CCAR1: variants seen among roughly 807,000 people sequenced by gnomAD.
CCAR1 encodes cell division cycle and apoptosis regulator 1.
CCAR1 carries 78 observed loss-of-function variants against 163.8 expected under a neutral mutation model. The ratio of observed to expected loss-of-function variants is 0.48; its 90% confidence interval spans 0.40 to 0.57. The LOEUF is 0.57. CCAR1 is among the 20% of genes least tolerant of loss of function. The probability of loss-of-function intolerance (pLI) is 0.00; values close to 1 mark genes in which losing one functional copy is unlikely to be tolerated. For missense variants in CCAR1, 1,019 were observed against 1,365.2 expected (o/e 0.75, Z 4.00); for synonymous variants, 443 against 460.7 (o/e 0.96, Z 0.49).
chr10:68,790,450 A>C (rs1404511205), intron 24 of CCAR1, among the ~76,000 whole-genome samples: 2 of 152,166 alleles, frequency 1.3e-5, no homozygotes, highest in Non-Finnish European at 2.9e-5. Context: ...TCTTGAAGCA[A>C]ATTTCATTTT....
intron 2 of CCAR1, among the ~76,000 whole-genome samples, chr10:68,725,314 A>C (rs949018846): frequency 6.6e-6 from 1 of 152,124 alleles, no homozygotes; most frequent in African/African-American, 2.4e-5. Flanking sequence ...AAATACAAAA[A>C]TTAGACGGGC....
At chr10:68,784,699 C>CTACT (rs1358969694) in intron 19 of CCAR1, among the ~76,000 whole-genome samples, 1 of 152,062 alleles carries the variant, frequency 6.6e-6, no homozygotes, top group African/African-American at 2.4e-5. Context: ...CAGGCATGCG[C>CTACT]TACTTAGTCT....
chr10:68,752,212 C>T (rs1404238077), intron 10 of CCAR1, among the ~76,000 whole-genome samples: 2 of 152,010 alleles, frequency 1.3e-5, no homozygotes, highest in African/African-American at 4.8e-5. Context: ...GCCACCGCAC[C>T]CGGCCTCACA....
chr10:68,791,440 A>C lies in CCAR1; in HGVS notation c.*174A>C. 2.2e-6 allele frequency: 1 copy of C among 451,062 alleles called. No homozygotes were observed. The highest frequency in any genetic ancestry group is 4.0e-6 in the Non-Finnish European group (1 of 249,462). The allele number at this position is 451,062 out of a possible 1,614,324, so 27.9% of individuals were successfully genotyped here. A position where few individuals can be genotyped will look rare whatever the true frequency, so the allele number is the denominator to read the frequency against. On this transcript the variant is annotated 3_prime_UTR_variant, in exon 25 of 25. Transcript: ENST00000265872. ...TTTCTGCTTTTGAAAATTGCTTGTA[A>C]TTCCTAGCCTTCAAATTATTAAACA...
At chr10:68,736,377 A>G (rs2056110511) in intron 2 of CCAR1, among the ~76,000 whole-genome samples, 1 of 152,062 alleles carries the variant, frequency 6.6e-6, no homozygotes, top group African/African-American at 2.4e-5. Context: ...CTCTCTTCTC[A>G]ATGTTTACAT....
intron 19 of CCAR1, among the ~76,000 whole-genome samples, chr10:68,783,116 C>A (rs1334639764): frequency 6.6e-6 from 1 of 150,964 alleles, no homozygotes; most frequent in Admixed American, 6.6e-5. Flanking sequence ...TTATCTCCCA[C>A]CTCATCCTCC....
chr10:68,726,455 A>G (rs2055948543), intron 2 of CCAR1, among the ~76,000 whole-genome samples: 1 of 151,976 alleles, frequency 6.6e-6, no homozygotes, highest in South Asian at 2.1e-4. Context: ...CTGGCTCTTG[A>G]CATGCTTAAA....
At chr10:68,786,978 G>C in intron 21 of CCAR1, 1 of 230,998 alleles carries the variant, frequency 4.3e-6, no homozygotes. Flanking sequence ...CCAGCTACTC[G>C]GGAAGCTGAG....
At chr10:68,765,824 TC>T (rs1171306658) in intron 16 of CCAR1, 63 bp from the exon 17 acceptor site, 4 of 1,076,680 alleles carry the variant, frequency 3.7e-6, no homozygotes, top group Non-Finnish European at 5.4e-6. Flanking sequence ...TATATATTCA[TC>T]TTGCACATGT....
rs36140870 is a variant in CCAR1 at position 68,752,883 on chromosome 10, AATAGATAGATAGATAGATAGATAGATAG to A, written c.1119-938_1119-911del. Among the ~76,000 whole-genome samples the A allele has an allele frequency of 3.9e-4, 56 of 142,408 alleles. 1 individual carries two copies. The highest frequency in any genetic ancestry group is 7.1e-3 in the Middle Eastern group (2 of 280). The allele number at this position is 142,408 out of a possible 152,430, so 93.4% of individuals were successfully genotyped here. On this transcript the variant is annotated intron_variant, in intron 10 of 24. Transcript: ENST00000265872. Reference sequence around the variant, plus strand: ...AAGATTCTGCCTGTAGATAGGATAGAATAGATAGATAGATAGATAGATAGATAGATAGATAGATAGATAGATAGATAGA... The same window carrying A: ...AAGATTCTGCCTGTAGATAGGATAGAATAGATAGATAGATAGATAGATAGA...
intron 8 of CCAR1, among the ~76,000 whole-genome samples, chr10:68,748,407 AAG>A (rs2056286336): frequency 1.3e-5 from 2 of 152,108 alleles, no homozygotes; most frequent in African/African-American, 4.8e-5. Flanking sequence ...TCTCAAAAAA[AAG>A]AGAAAAAGAT....
chr10:68,750,584 T>C (rs2056319082), intron 10 of CCAR1, among the ~76,000 whole-genome samples: 1 of 152,094 alleles, frequency 6.6e-6, no homozygotes, highest in Admixed American at 6.6e-5. Context: ...ACTAGCAAAA[T>C]TATTGTGAGG....
intron 16 of CCAR1, 77 bp from the exon 17 acceptor site, chr10:68,765,811 C>A: frequency 1.1e-6 from 1 of 912,066 alleles, no homozygotes; most frequent in Non-Finnish European, 1.7e-6. Context: ...GATATATATT[C>A]AATATATATT....
chr10:68,738,164 C>T (rs1244175288), intron 4 of CCAR1, among the ~76,000 whole-genome samples: 2 of 152,200 alleles, frequency 1.3e-5, no homozygotes, highest in Admixed American at 6.5e-5. Context: ...CCTGTAATCC[C>T]AGCATACTGG....
At chr10:68,772,891 G>T (rs1005181588) in intron 18 of CCAR1, 97 bp from the exon 19 acceptor site, 1 of 550,034 alleles carries the variant, frequency 1.8e-6, no homozygotes, top group Non-Finnish European at 3.1e-6. Context: ...CCAGTGGATC[G>T]CTTGAGCCCA....
intron 19 of CCAR1, among the ~76,000 whole-genome samples, chr10:68,778,533 T>A (rs76736809): frequency 3.8e-3 from 14 of 3,712 alleles, no homozygotes; most frequent in African/African-American, 9.0e-3. Context: ...ATCCTCTCCT[T>A]TTTTTTTTTC....
At chr10:68,773,217 A>G (rs2056624670) in intron 19 of CCAR1, 118 bp downstream of exon 19, 1 of 551,486 alleles carries the variant, frequency 1.8e-6, no homozygotes, top group South Asian at 2.3e-5. Context: ...AGAAAGAGTA[A>G]TATACTCTTC....
At chr10:68,774,496 G>C (rs202105690) in intron 19 of CCAR1, among the ~76,000 whole-genome samples, 16 of 151,616 alleles carry the variant, frequency 1.1e-4, no homozygotes, top group African/African-American at 3.6e-4. Flanking sequence ...AAAATTAGCC[G>C]GGCACGCGCC....
chr10:68,731,337 A>G (rs2056034895), intron 2 of CCAR1, among the ~76,000 whole-genome samples: 2 of 152,214 alleles, frequency 1.3e-5, no homozygotes. Context: ...AGCTTCTCAA[A>G]TGTCCACAAA....
Sources: allele counts gnomAD v4.1 joint callset (sites outside exome capture counted in the v4.1 genomes callset), GRCh38; gene constraint gnomAD v4.1.1; transcripts MANE v1.5; gene names NCBI Gene and HGNC (gene_info 2026-07-23, HGNC 2026-07-21).